The following AGAP1 variants were observed in gnomAD, a reference collection of about 807,000 sequenced individuals.
AGAP1 encodes ArfGAP with GTPase domain, ankyrin repeat and PH domain 1, also known as arf-GAP with GTPase, ANK repeat and PH domain-containing protein 1.
A neutral mutation model predicts 105.3 loss-of-function variants in AGAP1; 29 were observed. The observed-to-expected ratio is 0.28, with a 90% CI of 0.21 to 0.38. The LOEUF is 0.38. AGAP1 is among the 10% of genes least tolerant of loss of function. AGAP1 has a pLI of 1.00. For synonymous variants in AGAP1, 509 were observed against 485.9 expected, an observed-to-expected ratio of 1.05 and a Z score of -0.63; for missense variants, 998 against 1,165.1, an observed-to-expected ratio of 0.86 and a Z score of 2.09.
In AGAP1 at chr2:235,739,572, TTGTTG is replaced by T. The variant is rs953703835; in HGVS notation, c.311-1386_311-1382del. 1.6e-4 allele frequency among the ~76,000 whole-genome samples: 24 copies of T among 152,388 alleles called. No homozygotes were observed. Among genetic ancestry groups the T allele is most frequent in the Non-Finnish European group, 1.6e-4 (11 of 68,040 alleles). On this transcript the variant is annotated intron_variant, in intron 3 of 17. Transcript: ENST00000304032. The surrounding 1 kb of genome is among the most constrained non-coding windows in gnomAD (Gnocchi z 5.3). ...CTTTAACATCAAAAGGTTTTCTTCA[TTGTTG>T]TGTTATTGAATGAACTGAACAGCAG...
At chr2:235,811,803 C>T (rs1958155724) in intron 9 of AGAP1, among the ~76,000 whole-genome samples, 1 of 152,222 alleles carries the variant, frequency 6.6e-6, no homozygotes, top group African/African-American at 2.4e-5. Flanking sequence ...TAAGTGCTAG[C>T]AGGACTCACA....
Position 235,566,174 on chromosome 2 carries a change from C to T in AGAP1, c.163+71325C>T, listed in dbSNP as rs898251112. Among the ~76,000 whole-genome samples the T allele has an allele frequency of 6.6e-6, 1 of 152,088 alleles. No homozygotes were observed. The highest frequency in any genetic ancestry group is 1.5e-5 in the Non-Finnish European group (1 of 68,028). ...TGGCGCAACCTCGGCTCACTGCAACCTCTGCCTCCCGGATTCAAGTGATTC... is the reference window on the plus strand; with the variant it reads ...TGGCGCAACCTCGGCTCACTGCAACTTCTGCCTCCCGGATTCAAGTGATTC... On this transcript the variant is annotated intron_variant, in intron 1 of 17. Transcript: ENST00000304032. The surrounding 1 kb of genome is among the most constrained non-coding windows in gnomAD (Gnocchi z 5.2).
At chr2:235,812,311 C>T (rs1353841397) in intron 9 of AGAP1, among the ~76,000 whole-genome samples, 1 of 152,232 alleles carries the variant, frequency 6.6e-6, no homozygotes, top group African/African-American at 2.4e-5. Context: ...AAGAGCCGGC[C>T]TGCCCGGGGC....
intron 1 of AGAP1, among the ~76,000 whole-genome samples, chr2:235,508,829 G>C (rs1454745670): frequency 6.6e-6 from 1 of 152,238 alleles, no homozygotes; most frequent in Non-Finnish European, 1.5e-5. Flanking sequence ...CCCCTGTGCT[G>C]TAATTAGCAA....
In AGAP1 at chr2:235,704,961, GCTTTTTT is replaced by G. The variant is rs1209172171; in HGVS notation, c.164-4210_164-4204del. Among the ~76,000 whole-genome samples, 115 of 82,010 alleles carry G rather than the reference GCTTTTTT, an allele frequency of 1.4e-3. 17 individuals carry two copies. The highest frequency in any genetic ancestry group is 5.2e-3 in the African/African-American group (94 of 18,194). The allele number at this position is 82,010 out of a possible 152,430, so 53.8% of individuals were successfully genotyped here. A position where few individuals can be genotyped will look rare whatever the true frequency, so the allele number is the denominator to read the frequency against. Reference sequence around the variant, plus strand: ...CAACGTCGATTGTAAAATACAAGATGCTTTTTTCTTTTTTTTTTTTTTTTTTTTTTTT... The same window carrying G: ...CAACGTCGATTGTAAAATACAAGATGCTTTTTTTTTTTTTTTTTTTTTTTT... On this transcript the variant is annotated intron_variant, in intron 1 of 17. Coordinates refer to ENST00000304032, the MANE Select transcript of AGAP1 (RefSeq NM_001037131.3).
At chr2:235,706,967 CCCTG>C (rs1407898634) in intron 1 of AGAP1, among the ~76,000 whole-genome samples, 2 of 152,222 alleles carry the variant, frequency 1.3e-5, no homozygotes, top group African/African-American at 4.8e-5. Context: ...AATTAGTTAC[CCCTG>C]ACTGAGCGCT....
chr2:235,573,027 C>CT (rs1308709012), intron 1 of AGAP1, among the ~76,000 whole-genome samples: 337 of 19,146 alleles, frequency 0.018, 27 homozygotes, highest in African/African-American at 0.086. Flanking sequence ...TCTTCTTCTT[C>CT]TTCTTCTTCT....
At chr2:235,673,094 A>T (rs1226840337) in intron 1 of AGAP1, among the ~76,000 whole-genome samples, 2 of 152,200 alleles carry the variant, frequency 1.3e-5, no homozygotes, top group Admixed American at 6.5e-5. Context: ...AAAAAGCTAC[A>T]TCTTTCACCT....
rs2049150284 is a variant in AGAP1, at chr2:235,865,989, G to GA, written c.1051-17353dup. ...TAACGGCATTTTCTGCAGCTTGAAT[G>GA]AAAGCTGTCTCGATCCATGTATGTC... On this transcript the variant is annotated intron_variant, in intron 9 of 17. Coordinates refer to ENST00000304032, the MANE Select transcript of AGAP1 (RefSeq NM_001037131.3). This position sits in a 1 kb window ranked among gnomAD's most constrained non-coding sequence, Gnocchi z 6.2. Among the ~76,000 whole-genome samples, 1 of 152,196 alleles carries GA rather than the reference G, an allele frequency of 6.6e-6. No homozygotes were observed. Among genetic ancestry groups the GA allele is most frequent in the South Asian group, 2.1e-4 (1 of 4,826 alleles).
At chr2:235,811,237 A>T (rs1437319759) in intron 9 of AGAP1, among the ~76,000 whole-genome samples, 1 of 152,214 alleles carries the variant, frequency 6.6e-6, no homozygotes, top group African/African-American at 2.4e-5. Flanking sequence ...CCCTTCGCAG[A>T]GCCCCGGCCA....
chr2:235,624,945 C>T (rs977947026), intron 1 of AGAP1, among the ~76,000 whole-genome samples: 12 of 152,184 alleles, frequency 7.9e-5, no homozygotes, highest in African/African-American at 2.7e-4. Flanking sequence ...TCCTGCTCCT[C>T]CTTCACCTTC....
rs942543076 is a variant in AGAP1, at chr2:235,639,368, C to T, written c.164-69811C>T. Among the ~76,000 whole-genome samples, 3 of 152,096 alleles carry T rather than the reference C, an allele frequency of 2.0e-5. No homozygotes were observed. The highest frequency in any genetic ancestry group is 4.8e-5 in the African/African-American group (2 of 41,432). ...GGGTGGGTGAGCTCACCCAGGACCA[C>T]GGTGTGGCCTGAGAAGTCGGCCTGC... On this transcript the variant is annotated intron_variant, in intron 1 of 17. Transcript: ENST00000304032. This position sits in a 1 kb window ranked among gnomAD's most constrained non-coding sequence, Gnocchi z 5.3.
intron 16 of AGAP1, among the ~76,000 whole-genome samples, chr2:236,077,138 A>ATATAT (rs1176952323): frequency 4.8e-4 from 67 of 139,274 alleles, no homozygotes; most frequent in African/African-American, 1.8e-3. Flanking sequence ...AAAAAAAAAA[A>ATATAT]AAAAATATAT....
rs530644236 is a variant in AGAP1 at position 235,979,598 on chromosome 2, C to T, written c.1645+10975C>T. On this transcript the variant is annotated intron_variant, in intron 13 of 17. Coordinates refer to ENST00000304032, the MANE Select transcript of AGAP1 (RefSeq NM_001037131.3). The surrounding 1 kb of genome is among the most constrained non-coding windows in gnomAD (Gnocchi z 4.5). ...GGTGTGGAGCCAGTGAAAGAACAGG[C>T]GCAGCGAACGTTCCGGCAGGCATTG... is the stretch of plus-strand genomic sequence containing the variant. Among the ~76,000 whole-genome samples, 20 of 152,294 alleles carry T rather than the reference C, an allele frequency of 1.3e-4. No individual in the cohort carries two copies. In the East Asian group the frequency reaches 2.7e-3, roughly 21 times the overall value.
At chr2:235,678,494 A>G (rs1360755400) in intron 1 of AGAP1, among the ~76,000 whole-genome samples, 1 of 152,162 alleles carries the variant, frequency 6.6e-6, no homozygotes, top group African/African-American at 2.4e-5. Context: ...GGCTTCTCCT[A>G]TCACTGGAGG....
chr2:235,849,037 T>C (rs553340334), intron 9 of AGAP1, among the ~76,000 whole-genome samples: 1 of 152,316 alleles, frequency 6.6e-6, no homozygotes, highest in South Asian at 2.1e-4. Flanking sequence ...TATGTTAAAT[T>C]GGCTGGTTAA....
At chr2:235,928,408 GGC>G (rs2052557685) in intron 11 of AGAP1, among the ~76,000 whole-genome samples, 2 of 152,186 alleles carry the variant, frequency 1.3e-5, no homozygotes, top group Admixed American at 1.3e-4. Flanking sequence ...GGGCCCCAAG[GGC>G]CAAGGAGAGA....
intron 6 of AGAP1, among the ~76,000 whole-genome samples, chr2:235,795,665 A>G (rs958474237): frequency 1.4e-5 from 2 of 145,404 alleles, no homozygotes; most frequent in Admixed American, 1.3e-4. Flanking sequence ...GACAAATATG[A>G]AAAAAAAATA....
rs767969253 is a variant in AGAP1 at position 235,614,389 on chromosome 2, AGT to A, written c.164-94783_164-94782del. Among the ~76,000 whole-genome samples, 2 of 152,002 alleles carry A rather than the reference AGT, an allele frequency of 1.3e-5. No homozygotes were observed. Among genetic ancestry groups the A allele is most frequent in the East Asian group, 1.9e-4 (1 of 5,136 alleles). On this transcript the variant is annotated intron_variant, in intron 1 of 17. Transcript: ENST00000304032. The surrounding 1 kb of genome is among the most constrained non-coding windows in gnomAD (Gnocchi z 4.7). ...TGCTTCAGGTCTCAGATGGCATAGG[AGT>A]GTGTGTCATCCCAGAGGAGCAGCAG...
Sources: allele counts gnomAD v4.1 joint callset (sites outside exome capture counted in the v4.1 genomes callset), GRCh38; gene constraint gnomAD v4.1.1; non-coding constraint Gnocchi (gnomAD v3.1); transcripts MANE v1.5; gene names NCBI Gene and HGNC (gene_info 2026-07-23, HGNC 2026-07-21).